The following TENM2 variants were observed in gnomAD, a reference collection of about 807,000 sequenced individuals.
TENM2 encodes the protein teneurin transmembrane protein 2, also known as teneurin-2.
A neutral mutation model predicts 245.2 loss-of-function variants in TENM2; 52 were observed. The observed-to-expected ratio is 0.21, with a 90% confidence interval of 0.17 to 0.27. The LOEUF is 0.27. Among genes scored for constraint, TENM2 ranks in the 10% least tolerant of loss-of-function variants. The pLI, the probability that TENM2 is intolerant of heterozygous loss-of-function variation, is 1.00. For synonymous variants in TENM2, 1,363 were observed against 1,438.9 expected (o/e 0.95, Z 1.19); for missense variants, 3,046 against 3,666.8 (o/e 0.83, Z 4.37).
chr5:167,543,699 T>C (rs913863323), intron 2 of TENM2, among the ~76,000 whole-genome samples: 1 of 152,224 alleles, frequency 6.6e-6, no homozygotes, highest in African/African-American at 2.4e-5. Context: ...AGTTTGACCA[T>C]GTGCCCTTTG....
the TENM2 span, among the ~76,000 whole-genome samples, chr5:167,106,191 G>A: frequency 6.6e-6 from 1 of 151,976 alleles, no homozygotes; most frequent in Non-Finnish European, 1.5e-5. Context: ...AATAAACATT[G>A]CTCCATTTGG....
intron 2 of TENM2, among the ~76,000 whole-genome samples, chr5:167,512,128 A>T (rs1162737139): frequency 6.6e-6 from 1 of 152,206 alleles, no homozygotes; most frequent in Non-Finnish European, 1.5e-5. Context: ...TTTGACTATT[A>T]AAAAACTCAA....
chr5:168,145,808 A>T (rs1323591254), intron 12 of TENM2, among the ~76,000 whole-genome samples: 1 of 150,032 alleles, frequency 6.7e-6, no homozygotes, highest in Non-Finnish European at 1.5e-5. Flanking sequence ...CTTCCTACCC[A>T]TGAGCATGGA....
chr5:168,091,067 A>G (rs1792899759), intron 8 of TENM2, among the ~76,000 whole-genome samples: 1 of 152,216 alleles, frequency 6.6e-6, no homozygotes, highest in South Asian at 2.1e-4. Flanking sequence ...GATAAGCCTC[A>G]GTTTCCTCAT....
At chr5:167,826,985 CTGGCACAAGCCAGATTGCACCT>C (rs1415663395) in intron 2 of TENM2, among the ~76,000 whole-genome samples, 1 of 152,226 alleles carries the variant, frequency 6.6e-6, no homozygotes, top group African/African-American at 2.4e-5. Flanking sequence ...TGCTGGGATT[CTGGCACAAGCCAGATTGCACCT>C]TGCCCCACCA....
chr5:167,855,741 AGAAG>A (rs1188549655), intron 2 of TENM2, among the ~76,000 whole-genome samples: 2 of 96,104 alleles, frequency 2.1e-5, no homozygotes, highest in African/African-American at 7.8e-5. Context: ...GAGGGAGGGA[AGAAG>A]GAAAGAAGGA....
At chr5:167,698,691 T>TTTTTTTTTTTTTTG (rs1757944986) in intron 2 of TENM2, among the ~76,000 whole-genome samples, 2 of 146,240 alleles carry the variant, frequency 1.4e-5, no homozygotes, top group African/African-American at 5.2e-5. Context: ...TTTTTTTTTT[T>TTTTTTTTTTTTTTG]TTTTTTTTTT....
chr5:167,032,746 G>A, the TENM2 span, among the ~76,000 whole-genome samples: 1 of 152,238 alleles, frequency 6.6e-6, no homozygotes, highest in South Asian at 2.1e-4. Flanking sequence ...CATTGAAAAT[G>A]TGGTTACTAT....
At chr5:167,239,213 C>A in the TENM2 span, among the ~76,000 whole-genome samples, 5 of 152,162 alleles carry the variant, frequency 3.3e-5, no homozygotes, top group Non-Finnish European at 7.3e-5. Context: ...CTAATAGACA[C>A]TTTTCATTTA....
At chr5:167,398,365 CCTTTCTTTCTTCCTTTCTTTCTTTCTTT>C (rs1252025349) in intron 2 of TENM2, among the ~76,000 whole-genome samples, 22 of 143,984 alleles carry the variant, frequency 1.5e-4, no homozygotes, top group Middle Eastern at 3.6e-3. Flanking sequence ...TTCTTTCTTT[CCTTTCTTTCTTCCTTTCTTTCTTTCTTT>C]CTTTCTTTCT....
chr5:167,023,439 C>T, the TENM2 span, among the ~76,000 whole-genome samples: 1 of 152,136 alleles, frequency 6.6e-6, no homozygotes, highest in East Asian at 1.9e-4. Context: ...CACAAACCAT[C>T]AGAGGGTTAG....
chr5:168,109,893 G>A (rs992588308), intron 9 of TENM2, among the ~76,000 whole-genome samples: 1 of 152,218 alleles, frequency 6.6e-6, no homozygotes, highest in Middle Eastern at 3.4e-3. Flanking sequence ...TGGTGGCCAC[G>A]TGCAAGTCCA....
chr5:167,162,964 T>A, the TENM2 span, among the ~76,000 whole-genome samples: 1 of 152,208 alleles, frequency 6.6e-6, no homozygotes, highest in Non-Finnish European at 1.5e-5. Context: ...TGCTACAAAT[T>A]CATTGTCTAG....
chr5:167,252,939 G>A, the TENM2 span, among the ~76,000 whole-genome samples: 6 of 152,124 alleles, frequency 3.9e-5, no homozygotes, highest in Non-Finnish European at 8.8e-5. Context: ...CTGGGAAGAA[G>A]TTAAATGAAG....
intron 2 of TENM2, among the ~76,000 whole-genome samples, chr5:167,562,134 G>A (rs1399303007): frequency 6.6e-6 from 1 of 152,148 alleles, no homozygotes; most frequent in African/African-American, 2.4e-5. Context: ...GTCATTCAGG[G>A]CACACCATCC....
intron 12 of TENM2, among the ~76,000 whole-genome samples, chr5:168,134,108 TCA>T (rs1754830357): frequency 6.6e-6 from 1 of 151,910 alleles, no homozygotes; most frequent in Non-Finnish European, 1.5e-5. Context: ...TGAGCTGAGA[TCA>T]TGCCACTGCA....
At chr5:168,259,654 G>T (rs1350674640) in intron 27 of TENM2, among the ~76,000 whole-genome samples, 1 of 152,154 alleles carries the variant, frequency 6.6e-6, no homozygotes, top group Non-Finnish European at 1.5e-5. Flanking sequence ...CTTTCCATCT[G>T]TGTCCAGCTC....
At chr5:167,189,167 AAAAT>A in the TENM2 span, among the ~76,000 whole-genome samples, 11 of 152,162 alleles carry the variant, frequency 7.2e-5, no homozygotes, top group East Asian at 1.7e-3. Flanking sequence ...CAAGCAGCCA[AAAAT>A]AAATAAATAA....
At chr5:168,242,787 T>C (rs1324452096) in intron 25 of TENM2, among the ~76,000 whole-genome samples, 1 of 152,056 alleles carries the variant, frequency 6.6e-6, no homozygotes, top group Non-Finnish European at 1.5e-5. Flanking sequence ...ACCTCGTCTC[T>C]ACTAAAAATA....
Sources: gnomAD v4.1 joint callset for allele counts (sites outside exome capture counted in the v4.1 genomes callset) on GRCh38, gnomAD v4.1.1 for gene constraint, MANE v1.5 for transcripts, NCBI Gene and HGNC (gene_info 2026-07-23, HGNC 2026-07-21) for gene names.